MACROD2: variants seen among roughly 807,000 people sequenced by gnomAD.
The protein encoded by MACROD2 is ADP-ribose glycohydrolase MACROD2.
MACROD2 carries 36 observed loss-of-function variants against 70.4 expected under a neutral mutation model. The ratio of observed to expected loss-of-function variants is 0.51; its 90% CI spans 0.39 to 0.68. The LOEUF is 0.68. MACROD2 is among the 30% of genes least tolerant of loss of function. The pLI, the probability that MACROD2 is intolerant of heterozygous loss-of-function variation, is 0.00. For missense variants in MACROD2, 496 were observed against 538.4 expected, an observed-to-expected ratio of 0.92 and a Z score of 0.78; for synonymous variants, 172 against 178.8, an observed-to-expected ratio of 0.96 and a Z score of 0.30.
rs1046645285 is a variant in MACROD2 at position 14,986,994 on chromosome 20, T to A, written c.419-242946T>A. Among the ~76,000 whole-genome samples the A allele has an allele frequency of 2.6e-5, 4 of 152,190 alleles. No homozygotes were observed. The South Asian group carries it at 6.2e-4, about 24-fold the overall frequency. The stretch of plus-strand genomic sequence containing the variant: ...GACACACTTGCCCAGAACTCCTGCA[T>A]ACAAATGAGGAGTGGCATCCTTAAC... On this transcript the variant is annotated intron_variant, in intron 5 of 17. Coordinates refer to ENST00000684519, the MANE Select transcript of MACROD2 (RefSeq NM_001351661.2).
rs1347479848 is a variant in MACROD2, at chr20:15,417,530, T to C, written c.541-13875T>C. Among the ~76,000 whole-genome samples the C allele has an allele frequency of 2.2e-5, 3 of 137,636 alleles. No individual in the cohort carries two copies. In the East Asian group the frequency reaches 6.4e-4, roughly 29 times the overall value. The allele number at this position is 137,636 out of a possible 152,430, so 90.3% of individuals were successfully genotyped here. A position where few individuals can be genotyped will look rare whatever the true frequency, so the allele number is the denominator to read the frequency against. On this transcript the variant is annotated intron_variant, in intron 6 of 17. Coordinates refer to ENST00000684519, the MANE Select transcript of MACROD2 (RefSeq NM_001351661.2). The stretch of plus-strand genomic sequence containing the variant: ...GGGAGAATCACTTGAGTCCCAGCAG[T>C]CAAAGCTGCAGTGATGCATGATCGC...
At chr20:15,089,616 C>T (rs756596045) in intron 5 of MACROD2, among the ~76,000 whole-genome samples, 9 of 152,086 alleles carry the variant, frequency 5.9e-5, no homozygotes, top group Non-Finnish European at 1.2e-4. Flanking sequence ...CCTTTTGCTT[C>T]CCTCCCTCCT....
At chr20:15,693,321 A>G (rs77744519) in intron 8 of MACROD2, among the ~76,000 whole-genome samples, 6,482 of 152,272 alleles carry the variant, frequency 0.043, 481 homozygotes, top group African/African-American at 0.15. Context: ...CAGTCACTTT[A>G]TCTCTCTGCG....
At chr20:14,939,698 A>G (rs1354914609) in intron 5 of MACROD2, among the ~76,000 whole-genome samples, 4 of 152,020 alleles carry the variant, frequency 2.6e-5, no homozygotes, top group Non-Finnish European at 5.9e-5. Flanking sequence ...CATTTTAGCT[A>G]TATTAATTCT....
At position 16,032,958 on chromosome 20, in the gene MACROD2, G is replaced by T. The variant is rs113896175; in HGVS notation, c.1154-8243G>T. ...ATGCCTCTGAAGAGCAGCACAATGG[G>T]TTAAAAGCCTTTGACTTATTTTGCG... On this transcript the variant is annotated intron_variant, in intron 15 of 17. Coordinates refer to ENST00000684519, the MANE Select transcript of MACROD2 (RefSeq NM_001351661.2). Among the ~76,000 whole-genome samples the T allele has an allele frequency of 8.4e-3, 1,271 of 152,130 alleles. 25 individuals are homozygous for T. The highest frequency in any genetic ancestry group is 0.029 in the African/African-American group (1,216 of 41,516).
intron 5 of MACROD2, among the ~76,000 whole-genome samples, chr20:15,021,186 G>A (rs1372052596): frequency 1.1e-4 from 13 of 117,030 alleles, no homozygotes; most frequent in Admixed American, 4.0e-4. Context: ...ACAGGTGTGC[G>A]TATACACACA....
chr20:14,935,517 C>T (rs949809938), intron 5 of MACROD2, among the ~76,000 whole-genome samples: 2 of 152,138 alleles, frequency 1.3e-5, no homozygotes, highest in African/African-American at 4.8e-5. Flanking sequence ...CATCTGGGAT[C>T]CCTTGATATA....
intron 7 of MACROD2, among the ~76,000 whole-genome samples, chr20:15,450,170 T>G (rs1166082011): frequency 1.3e-5 from 2 of 152,108 alleles, no homozygotes; most frequent in African/African-American, 2.4e-5. Flanking sequence ...ATATTATATA[T>G]AGTATGTTTA....
intron 5 of MACROD2, among the ~76,000 whole-genome samples, chr20:15,159,402 CTT>C: frequency 6.6e-6 from 1 of 151,912 alleles, no homozygotes. Context: ...AATCAAGACT[CTT>C]GGAATTTTCT....
At chr20:15,926,435 G>C (rs548727041) in intron 10 of MACROD2, among the ~76,000 whole-genome samples, 23 of 152,298 alleles carry the variant, frequency 1.5e-4, no homozygotes, top group African/African-American at 5.5e-4. Context: ...CCTTGCCTCC[G>C]TGGAGCTTAC....
chr20:14,211,340 G>A (rs945117496), intron 3 of MACROD2, among the ~76,000 whole-genome samples: 2 of 148,998 alleles, frequency 1.3e-5, no homozygotes, highest in Admixed American at 6.7e-5. Flanking sequence ...AAAATCAAAA[G>A]TTTTTTTTTT....
rs1399945495 is a variant in MACROD2, at chr20:14,547,009, CCCT to C, written c.301+53502_301+53504del. On this transcript the variant is annotated intron_variant, in intron 4 of 17. Transcript: ENST00000684519. Reference sequence around the variant, plus strand: ...CATAAAAATATCATCCTACTTTGCCCCCTAAGTTTCTAAAATATCACGTACTTT... The same window carrying C: ...CATAAAAATATCATCCTACTTTGCCCAAGTTTCTAAAATATCACGTACTTT... 7.9e-5 allele frequency among the ~76,000 whole-genome samples: 12 copies of C among 152,130 alleles called. No homozygotes were observed. In the East Asian group the frequency reaches 2.1e-3, roughly 27 times the overall value.
At chr20:15,938,992 C>T (rs923537713) in intron 12 of MACROD2, among the ~76,000 whole-genome samples, 1 of 152,080 alleles carries the variant, frequency 6.6e-6, no homozygotes, top group Non-Finnish European at 1.5e-5. Context: ...AGGTACTAGC[C>T]CTCTTCAATT....
intron 3 of MACROD2, among the ~76,000 whole-genome samples, chr20:14,240,569 C>G (rs545461540): frequency 3.1e-4 from 47 of 152,218 alleles, no homozygotes; most frequent in Admixed American, 6.5e-4. Flanking sequence ...GTTCAGTATC[C>G]TAAGCAAAGT....
At chr20:16,008,184 T>C (rs2066815376) in intron 15 of MACROD2, among the ~76,000 whole-genome samples, 1 of 152,260 alleles carries the variant, frequency 6.6e-6, no homozygotes, top group South Asian at 2.1e-4. Flanking sequence ...AAGAGTCTCC[T>C]AAGTCTTTGA....
chr20:15,999,079 T>G (rs1413207361), intron 15 of MACROD2, among the ~76,000 whole-genome samples: 1 of 152,136 alleles, frequency 6.6e-6, no homozygotes, highest in African/African-American at 2.4e-5. Context: ...CCTTAAAGTG[T>G]AAAGTTAGGC....
At chr20:15,983,025 G>C (rs2066424392) in intron 13 of MACROD2, among the ~76,000 whole-genome samples, 2 of 152,224 alleles carry the variant, frequency 1.3e-5, no homozygotes, top group African/African-American at 4.8e-5. Context: ...AGAGTGTAAA[G>C]AGTTTTGTCA....
At chr20:14,433,989 A>G (rs2084027054) in intron 3 of MACROD2, among the ~76,000 whole-genome samples, 1 of 152,184 alleles carries the variant, frequency 6.6e-6, no homozygotes, top group South Asian at 2.1e-4. Context: ...TTGAAGACAC[A>G]TGCATCTAGA....
At chr20:14,629,709 G>A (rs1426382717) in intron 4 of MACROD2, among the ~76,000 whole-genome samples, 1 of 152,162 alleles carries the variant, frequency 6.6e-6, no homozygotes, top group East Asian at 1.9e-4. Context: ...ACAGATGCAG[G>A]GAAGGACTGC....
Sources: allele counts gnomAD v4.1 joint callset (sites outside exome capture counted in the v4.1 genomes callset), GRCh38; gene constraint gnomAD v4.1.1; transcripts MANE v1.5; gene names NCBI Gene and HGNC (gene_info 2026-07-23, HGNC 2026-07-21).